CFAP54: variants seen among roughly 807,000 people sequenced by gnomAD.
CFAP54 encodes the protein cilia and flagella associated protein 54, also known as cilia- and flagella-associated protein 54.
In CFAP54, 290 loss-of-function variants were observed where a neutral mutation model predicts 370.4. The ratio of observed to expected loss-of-function variants is 0.78; its 90% CI spans 0.71 to 0.86. The LOEUF (loss-of-function observed/expected upper bound fraction) is 0.86, where lower values mean the gene tolerates loss of function less well. CFAP54 is among the 40% of genes least tolerant of loss of function. CFAP54 has a pLI of 0.00. For synonymous variants in CFAP54, 1,206 were observed against 1,236.5 expected, an observed-to-expected ratio of 0.98 and a Z score of 0.52; for missense variants, 3,399 against 3,528.7, an observed-to-expected ratio of 0.96 and a Z score of 0.93.
chr12:96,833,543 T>A (rs985939838), intron 66 of CFAP54, among the ~76,000 whole-genome samples: 7 of 147,362 alleles, frequency 4.8e-5, no homozygotes, highest in African/African-American at 1.5e-4. Context: ...TGTGTGTGTG[T>A]GATTTGAATG....
intron 50 of CFAP54, among the ~76,000 whole-genome samples, chr12:96,720,790 G>T (rs1047531482): frequency 2.0e-5 from 3 of 152,292 alleles, no homozygotes; most frequent in Middle Eastern, 3.4e-3. Flanking sequence ...GGGAGGCTGA[G>T]GTGGGCAGAT....
intron 1 of CFAP54, among the ~76,000 whole-genome samples, chr12:96,495,620 T>C (rs943674684): frequency 6.6e-6 from 1 of 152,016 alleles, no homozygotes; most frequent in Non-Finnish European, 1.5e-5. Context: ...CGTGCCTGGC[T>C]GATTTTCTGT....
At chr12:96,696,193 A>C (rs537181129) in intron 45 of CFAP54, among the ~76,000 whole-genome samples, 111 of 152,228 alleles carry the variant, frequency 7.3e-4, no homozygotes, top group Middle Eastern at 6.8e-3. Flanking sequence ...GTTACACTAG[A>C]GTGGAGGTTT....
chr12:96,622,876 A>G (rs1277030995), intron 27 of CFAP54, among the ~76,000 whole-genome samples: 2 of 150,964 alleles, frequency 1.3e-5, no homozygotes, highest in Admixed American at 1.3e-4. Flanking sequence ...TTTTTTTCCT[A>G]GTTGGAAGGA....
In CFAP54 at chr12:96,521,849, A is replaced by G. The variant is rs1437192517; in HGVS notation, c.943-8A>G. The stretch of plus-strand genomic sequence containing the variant: ...TTTATGAATTAAATTTATTTTAATC[A>G]CATGTAGGCATTTGCTCGGCGTGCT... On this transcript the variant is annotated splice_polypyrimidine_tract_variant and splice_region_variant and intron_variant, in intron 6 of 67. Coordinates refer to ENST00000524981, the MANE Select transcript of CFAP54 (RefSeq NM_001306084.2). 21 of 1,490,270 alleles carry G rather than the reference A, an allele frequency of 1.4e-5. No homozygotes were observed. Among genetic ancestry groups the G allele is most frequent in the Non-Finnish European group, 1.8e-5 (20 of 1,113,344 alleles). 92.3% of individuals were successfully genotyped at this position (1,490,270 alleles called of 1,614,324 possible). A position where few individuals can be genotyped will look rare whatever the true frequency, so the allele number is the denominator to read the frequency against.
At chr12:96,770,558 C>T (rs1476705736) in intron 60 of CFAP54, among the ~76,000 whole-genome samples, 2 of 152,216 alleles carry the variant, frequency 1.3e-5, no homozygotes, top group Admixed American at 1.3e-4. Flanking sequence ...GGAAGATTTA[C>T]CCTTCAGTGA....
rs746533560 is a variant in CFAP54 at position 96,700,083 on chromosome 12, G to T, written c.6464G>T (p.Gly2155Val). Residue 2155 changes from glycine (G) to valine (V), a missense_variant, in exon 46 of 68, where the codon GGA becomes GTA. Around this residue, in one of 3 missense-constraint regions of CFAP54, gnomAD observed 2,796 missense variants for 2,869.7 expected, o/e 0.97. Coordinates refer to ENST00000524981, the MANE Select transcript of CFAP54 (RefSeq NM_001306084.2). ...ATACCTGCAGGCTATAAAGCCACTG[G>T]AAAAATGAAGGTAACCTGACAATTT... ...CPIPAGYKAT[G>V]KMKIFQSFDS... The T allele has an allele frequency of 1.4e-5, 22 of 1,603,012 alleles. 1 individual carries two copies. In the South Asian group the frequency reaches 2.5e-4, roughly 18 times the overall value.
At chr12:96,611,004 T>C (rs558947909) in intron 26 of CFAP54, among the ~76,000 whole-genome samples, 1 of 152,174 alleles carries the variant, frequency 6.6e-6, no homozygotes, top group African/African-American at 2.4e-5. Flanking sequence ...CTCTGCAGAC[T>C]TAAATTTCCC....
chr12:96,531,463 A>G (rs1329595352), intron 9 of CFAP54, among the ~76,000 whole-genome samples: 1 of 150,914 alleles, frequency 6.6e-6, no homozygotes, highest in Non-Finnish European at 1.5e-5. Context: ...TTACTTTTAA[A>G]TTTCTTTCCT....
At chr12:96,774,232 GCTTT>G (rs1428807485) in intron 60 of CFAP54, among the ~76,000 whole-genome samples, 3 of 152,028 alleles carry the variant, frequency 2.0e-5, no homozygotes, top group Non-Finnish European at 2.9e-5. Context: ...TGTAAATATA[GCTTT>G]CTAATTTTTC....
intron 66 of CFAP54, among the ~76,000 whole-genome samples, chr12:96,858,865 A>G (rs1959789210): frequency 6.6e-6 from 1 of 152,248 alleles, no homozygotes; most frequent in Non-Finnish European, 1.5e-5. Flanking sequence ...ACTACCAACA[A>G]CATTCTTCAC....
intron 62 of CFAP54, among the ~76,000 whole-genome samples, chr12:96,788,392 G>A (rs545131344): frequency 5.3e-5 from 8 of 152,286 alleles, no homozygotes; most frequent in Admixed American, 2.6e-4. Flanking sequence ...ACATATCTGT[G>A]AAATGAATAA....
At chr12:96,695,041 A>C (rs1353898095) in intron 45 of CFAP54, among the ~76,000 whole-genome samples, 4 of 152,118 alleles carry the variant, frequency 2.6e-5, no homozygotes. Flanking sequence ...AAAACAAAAA[A>C]AAACAAAAAA....
At chr12:96,813,307 C>A (rs1036981995) in intron 64 of CFAP54, among the ~76,000 whole-genome samples, 1 of 152,150 alleles carries the variant, frequency 6.6e-6, no homozygotes, top group Non-Finnish European at 1.5e-5. Flanking sequence ...CCTTTGGTGG[C>A]ACTGTGAAAA....
intron 36 of CFAP54, among the ~76,000 whole-genome samples, chr12:96,652,817 C>G (rs575672077): frequency 1.3e-5 from 2 of 151,722 alleles, no homozygotes; most frequent in African/African-American, 4.8e-5. Flanking sequence ...AACATGAGAA[C>G]AATAACGATA....
chr12:96,688,950 G>T lies in CFAP54; in HGVS notation c.6049G>T (p.Asp2017Tyr). The T allele has an allele frequency of 6.3e-7, 1 of 1,583,448 alleles. No homozygotes were observed. Among genetic ancestry groups the T allele is most frequent in the South Asian group, 1.2e-5 (1 of 84,790 alleles). The change falls in exon 43 of 68, where the codon GAC becomes TAC. Residue 2017 changes from aspartate (D) to tyrosine (Y), a missense_variant. Asp to Tyr is a radical substitution (Grantham distance 160). This residue lies in a region of CFAP54 where 2,796 missense variants were observed against 2,869.7 expected (regional missense o/e 0.97). Transcript: ENST00000524981. The part of the protein sequence containing the change: ...IKSLNVEKKT[D>Y]CCILSALLFQ... Reference sequence around the variant, plus strand: ...GTCATTGAATGTTGAAAAGAAAACTGACTGTTGCATTTTGTCTGCGTTACT... The same window carrying T: ...GTCATTGAATGTTGAAAAGAAAACTTACTGTTGCATTTTGTCTGCGTTACT...
At chr12:96,753,928 TA>T in intron 56 of CFAP54, 30 bp downstream of exon 56, 1 of 1,593,250 alleles carries the variant, frequency 6.3e-7, no homozygotes. Flanking sequence ...AGAACTATGA[TA>T]AAATTTATGG....
chr12:96,718,971 GAGGTTGC>G (rs1957717333), intron 49 of CFAP54, among the ~76,000 whole-genome samples: 1 of 151,934 alleles, frequency 6.6e-6, no homozygotes, highest in Non-Finnish European at 1.5e-5. Context: ...CCAGGAGGCA[GAGGTTGC>G]AGTGAGTCAA....
intron 63 of CFAP54, among the ~76,000 whole-genome samples, chr12:96,794,483 T>A (rs1484774612): frequency 5.3e-5 from 8 of 151,966 alleles, no homozygotes; most frequent in Admixed American, 5.2e-4. Context: ...TTGAAAGCCT[T>A]GTCTTTGAGC....
Sources: allele counts gnomAD v4.1 joint callset (sites outside exome capture counted in the v4.1 genomes callset), GRCh38; gene constraint gnomAD v4.1.1; regional missense constraint gnomAD v4.1.1; transcripts MANE v1.5; gene names NCBI Gene and HGNC (gene_info 2026-07-23, HGNC 2026-07-21).